EFR3A: variants seen among roughly 807,000 people sequenced by gnomAD.
EFR3A encodes the protein EFR3 homolog A.
Under a neutral mutation model 104.4 loss-of-function variants are expected in EFR3A, and 76 were observed. That is an observed-to-expected ratio of 0.73 (90% CI 0.60 to 0.88). The LOEUF is 0.88. Among genes scored for constraint, EFR3A ranks in the 40% least tolerant of loss-of-function variants. The pLI is 0.00. For missense variants in EFR3A, 985 were observed against 1,012.5 expected (o/e 0.97, Z 0.37); for synonymous variants, 330 against 330.0 (o/e 1.00, Z 0.00).
At chr8:132,010,673 T>G in intron 22 of EFR3A, 117 bp from the exon 23 acceptor site, 2 of 1,240,122 alleles carry the variant, frequency 1.6e-6, no homozygotes, top group Non-Finnish European at 2.2e-6. Flanking sequence ...TACAATGGCA[T>G]TGATCACTGC....
intron 10 of EFR3A, among the ~76,000 whole-genome samples, chr8:131,971,328 T>G (rs1820039487): frequency 6.6e-6 from 1 of 152,198 alleles, no homozygotes; most frequent in Non-Finnish European, 1.5e-5. Flanking sequence ...GGACATTTCT[T>G]ATGAGTAAAG....
At chr8:132,010,715 T>G (rs774476675) in intron 22 of EFR3A, 75 bp from the exon 23 acceptor site, 69 of 1,521,512 alleles carry the variant, frequency 4.5e-5, no homozygotes, top group Admixed American at 1.5e-4. Flanking sequence ...TATTCGCAGA[T>G]AGTAGATAGA....
chr8:131,968,279 G>C lies in EFR3A; in HGVS notation c.856-16G>C. 6.2e-7 allele frequency: 1 copy of C among 1,611,720 alleles called. No individual in the cohort carries two copies. The highest frequency in any genetic ancestry group is 8.5e-7 in the Non-Finnish European group (1 of 1,178,638). Reference sequence around the variant, plus strand: ...TGTACTTTTTATACATCTTTGTACTGTTTTGTCTCCTTCAGGCTCAGTATT... The same window carrying C: ...TGTACTTTTTATACATCTTTGTACTCTTTTGTCTCCTTCAGGCTCAGTATT... On this transcript the variant is annotated splice_polypyrimidine_tract_variant and intron_variant, in intron 8 of 22. Transcript: ENST00000254624.
chr8:131,946,736 A>G, intron 4 of EFR3A, 103 bp downstream of exon 4: 1 of 1,131,100 alleles, frequency 8.8e-7, no homozygotes, highest in Non-Finnish European at 1.2e-6. Context: ...TTCCCTGAAT[A>G]GGGCATTTGA....
At chr8:131,998,621 A>G (rs1017196416) in intron 19 of EFR3A, among the ~76,000 whole-genome samples, 1 of 152,044 alleles carries the variant, frequency 6.6e-6, no homozygotes. Context: ...AAAAGTTGCC[A>G]TATATAAAAA....
Position 131,970,584 on chromosome 8 carries a change from A to G in EFR3A, c.1100A>G (p.Asn367Ser). The change falls in exon 10 of 23, where the codon AAT (asparagine) becomes AGT (serine). Residue 367 changes from asparagine (N) to serine (S), a missense_variant. Physicochemically the swap from Asn to Ser is conservative, Grantham distance 46 (BLOSUM62 1). Coordinates refer to ENST00000254624, the MANE Select transcript of EFR3A (RefSeq NM_015137.6). Reference protein sequence around the residue: ...QGGSVGSVNLNTSSKDNDEKI... With the variant: ...QGGSVGSVNLSTSSKDNDEKI... Reference sequence around the variant, plus strand: ...GGATCTGTAGGCAGTGTCAACTTAAATACAAGTTCCAAAGACAATGATGAG... The same window carrying G: ...GGATCTGTAGGCAGTGTCAACTTAAGTACAAGTTCCAAAGACAATGATGAG... The G allele has an allele frequency of 6.2e-7, 1 of 1,613,908 alleles. No homozygotes were observed. The highest frequency in any genetic ancestry group is 1.1e-5 in the South Asian group (1 of 91,076).
chr8:131,992,146 G>A (rs1487510599), intron 18 of EFR3A, among the ~76,000 whole-genome samples: 1 of 151,914 alleles, frequency 6.6e-6, no homozygotes, highest in African/African-American at 2.4e-5. Context: ...TTCACTTCCG[G>A]TGAGACCTTG....
At chr8:132,001,648 A>G in intron 19 of EFR3A, 111 bp from the exon 20 acceptor site, 2 of 877,814 alleles carry the variant, frequency 2.3e-6, no homozygotes, top group Non-Finnish European at 3.7e-6. Flanking sequence ...CAGACCCAAC[A>G]CAAAGAAGAA....
intron 1 of EFR3A, among the ~76,000 whole-genome samples, chr8:131,938,954 C>T (rs1024870953): frequency 6.6e-6 from 1 of 151,978 alleles, no homozygotes; most frequent in African/African-American, 2.4e-5. Context: ...TGGTAATTGT[C>T]CCTCCTGCTA....
At chr8:131,912,534 T>C (rs774793933) in intron 1 of EFR3A, among the ~76,000 whole-genome samples, 3 of 152,056 alleles carry the variant, frequency 2.0e-5, no homozygotes, top group Non-Finnish European at 2.9e-5. Flanking sequence ...TAGAAAGCAA[T>C]ATAGCAATAT....
At chr8:131,977,120 A>C (rs1820361243) in intron 12 of EFR3A, 28 bp downstream of exon 12, 3 of 1,528,660 alleles carry the variant, frequency 2.0e-6, no homozygotes, top group Non-Finnish European at 2.7e-6. Flanking sequence ...AATAAAGGAC[A>C]CACTTAACCT....
At chr8:131,948,118 T>C (rs558009898) in intron 4 of EFR3A, among the ~76,000 whole-genome samples, 68 of 152,142 alleles carry the variant, frequency 4.5e-4, no homozygotes, top group Non-Finnish European at 8.7e-4. Context: ...CCATTCAGAG[T>C]TTTAATAAAA....
intron 2 of EFR3A, among the ~76,000 whole-genome samples, chr8:131,941,217 T>C (rs1818156590): frequency 6.6e-6 from 1 of 152,154 alleles, no homozygotes; most frequent in African/African-American, 2.4e-5. Context: ...ATTTAATTTT[T>C]GTATAACAAT....
intron 1 of EFR3A, among the ~76,000 whole-genome samples, chr8:131,935,873 T>A (rs887482221): frequency 6.8e-4 from 103 of 151,994 alleles, no homozygotes; most frequent in Non-Finnish European, 1.3e-3. Context: ...GGTCTTTTTT[T>A]TTTTAATGAT....
intron 18 of EFR3A, among the ~76,000 whole-genome samples, chr8:131,992,526 G>C (rs1211486556): frequency 6.6e-6 from 1 of 152,152 alleles, no homozygotes; most frequent in Admixed American, 6.5e-5. Flanking sequence ...CATGACGGTA[G>C]TACAAGGGTG....
At chr8:131,959,712 C>A in intron 8 of EFR3A, 49 bp downstream of exon 8, 2 of 1,382,428 alleles carry the variant, frequency 1.4e-6, no homozygotes, top group South Asian at 1.3e-5. Context: ...AATTTTGGTT[C>A]TCTATGGATA....
intron 4 of EFR3A, among the ~76,000 whole-genome samples, chr8:131,948,859 C>T (rs1202054840): frequency 1.3e-5 from 2 of 151,942 alleles, no homozygotes; most frequent in South Asian, 2.1e-4. Context: ...TCAAACATGA[C>T]CAGTGCTAAT....
At chr8:132,009,018 AGT>A (rs1822188930) in intron 22 of EFR3A, among the ~76,000 whole-genome samples, 1 of 152,134 alleles carries the variant, frequency 6.6e-6, no homozygotes, top group East Asian at 1.9e-4. Context: ...AAAAAATTTA[AGT>A]GTATTGTAAA....
chr8:131,936,068 T>A (rs1401621565), intron 1 of EFR3A, among the ~76,000 whole-genome samples: 1 of 152,068 alleles, frequency 6.6e-6, no homozygotes, highest in Non-Finnish European at 1.5e-5. Context: ...ATGCAGCTGC[T>A]CAAGTCCTTC....
Sources: gnomAD v4.1 joint callset for allele counts (sites outside exome capture counted in the v4.1 genomes callset) on GRCh38, gnomAD v4.1.1 for gene constraint, MANE v1.5 for transcripts, NCBI Gene and HGNC (gene_info 2026-07-23, HGNC 2026-07-21) for gene names.